The following GABRR2 variants were observed in gnomAD, a reference collection of about 807,000 sequenced individuals.
GABRR2 encodes gamma-aminobutyric acid type A receptor subunit rho2.
A neutral mutation model predicts 47.0 loss-of-function variants in GABRR2; 36 were observed. That is an observed-to-expected ratio of 0.77 (90% CI 0.59 to 1.01). GABRR2 has a LOEUF of 1.01. Among genes scored for constraint, GABRR2 ranks in the 50% least tolerant of loss-of-function variants. The pLI is 0.00. For missense variants in GABRR2, 587 were observed against 594.6 expected (o/e 0.99, Z 0.13); for synonymous variants, 204 against 227.5 (o/e 0.90, Z 0.93).
At chr6:89,306,565 T>C (rs1432446612) in intron 1 of GABRR2, among the ~76,000 whole-genome samples, 12 of 152,250 alleles carry the variant, frequency 7.9e-5, no homozygotes, top group Admixed American at 4.6e-4. Flanking sequence ...AGGACAGAGT[T>C]GCTCTGACCA....
chr6:89,267,340 A>G (rs187052185), intron 6 of GABRR2, among the ~76,000 whole-genome samples: 1 of 152,154 alleles, frequency 6.6e-6, no homozygotes, highest in East Asian at 1.9e-4. Context: ...CCGAGGTAGG[A>G]GGATTGCTTA....
intron 2 of GABRR2, among the ~76,000 whole-genome samples, chr6:89,290,513 T>C (rs1443161697): frequency 6.6e-6 from 1 of 152,200 alleles, no homozygotes; most frequent in East Asian, 1.9e-4. Context: ...TAGACAGTGA[T>C]TCTGGGGCCC....
At position 89,315,133 on chromosome 6, in the gene GABRR2, C is replaced by G; in HGVS notation, c.33G>C (p.Leu11Phe). ...TCTCCACGAGAACCATCAAGCAAAA[C>G]AAGAACAAAATGAGTCTTGTAAAAT... MPYFTRLILF[L>F]FCLMVLVESR... The change falls in exon 1 of 9, where the codon TTG becomes TTC. Residue 11 changes from leucine to phenylalanine, a missense_variant. By Grantham distance (22) the Leu-to-Phe change is conservative (BLOSUM62 0). Transcript: ENST00000402938. The G allele has an allele frequency of 6.2e-7, 1 of 1,613,868 alleles. No individual in the cohort carries two copies. The highest frequency in any genetic ancestry group is 8.5e-7 in the Non-Finnish European group (1 of 1,179,848).
At chr6:89,279,809 A>G (rs2127839262) in intron 2 of GABRR2, among the ~76,000 whole-genome samples, 1 of 152,302 alleles carries the variant, frequency 6.6e-6, no homozygotes, top group Admixed American at 6.5e-5. Flanking sequence ...TAAAATAGGT[A>G]TAATAATTGT....
intron 2 of GABRR2, among the ~76,000 whole-genome samples, chr6:89,278,801 G>A (rs1774210219): frequency 6.6e-6 from 1 of 152,224 alleles, no homozygotes; most frequent in Non-Finnish European, 1.5e-5. Flanking sequence ...GGGCGGGGAG[G>A]TTGGCATATC....
intron 2 of GABRR2, among the ~76,000 whole-genome samples, chr6:89,285,507 C>T (rs989338546): frequency 2.6e-5 from 4 of 152,080 alleles, no homozygotes; most frequent in African/African-American, 7.2e-5. Flanking sequence ...AGGCTGCACT[C>T]GATCTGTGGC....
intron 1 of GABRR2, chr6:89,302,957 TG>T: frequency 7.9e-7 from 1 of 1,262,310 alleles, no homozygotes. Context: ...CACTGGTACA[TG>T]GGCAAGGGCA....
At position 89,301,874 on chromosome 6, in the gene GABRR2, A is replaced by G. The variant is rs542045526; in HGVS notation, c.114-2009T>C. 6 of 1,145,858 alleles carry G rather than the reference A, an allele frequency of 5.2e-6. No homozygotes were observed. The African/African-American group carries it at 6.1e-5, about 12-fold the overall frequency. 71.0% of individuals were successfully genotyped at this position (1,145,858 alleles called of 1,614,324 possible). A position where few individuals can be genotyped will look rare whatever the true frequency, so the allele number is the denominator to read the frequency against. On this transcript the variant is annotated intron_variant, in intron 1 of 8. Transcript: ENST00000402938. ...GTCATCAGTGATGAGCATGGCATAG[A>G]CCCCAGCGGCAACTACGTGGGGAAC...
At position 89,291,654 on chromosome 6, in the gene GABRR2, A is replaced by G. The variant is rs142028568; in HGVS notation, c.220+8105T>C. Among the ~76,000 whole-genome samples the G allele has an allele frequency of 3.3e-3, 506 of 151,980 alleles. 3 individuals carry two copies. The highest frequency in any genetic ancestry group is 0.011 in the African/African-American group (472 of 41,436). On this transcript the variant is annotated intron_variant, in intron 2 of 8. Coordinates refer to ENST00000402938, the MANE Select transcript of GABRR2 (RefSeq NM_002043.5). ...CACTGCCTGGATGCAGGCTTCTGCA[A>G]TCTCCTCTCGGGGCAGAACTGAGCA...
rs1773878275 is a variant in GABRR2 at position 89,265,743 on chromosome 6, A to G, written c.759T>C (p.Ile253=). The G allele has an allele frequency of 6.2e-7, 1 of 1,614,154 alleles. No individual in the cohort carries two copies. Among genetic ancestry groups the G allele is most frequent in the Non-Finnish European group, 8.5e-7 (1 of 1,180,024 alleles). Residue 253 remains isoleucine (I), a synonymous_variant, in exon 7 of 9, where the codon ATT becomes ATC. Transcript: ENST00000402938. The stretch of plus-strand genomic sequence containing the variant: ...AGATGTGGCGACGCAACGTGAAGTT[A>G]ATGTACAGACGGTTGTACCAGCCTA... ...SSTGWYNRLY[I]NFTLRRHIFF...
At chr6:89,273,191 G>A (rs1034039578) in intron 2 of GABRR2, among the ~76,000 whole-genome samples, 1 of 152,168 alleles carries the variant, frequency 6.6e-6, no homozygotes, top group Non-Finnish European at 1.5e-5. Context: ...TCAGATGATA[G>A]CTAAGATCAG....
chr6:89,272,304 G>A (rs1465214292), intron 2 of GABRR2, among the ~76,000 whole-genome samples: 1 of 152,240 alleles, frequency 6.6e-6, no homozygotes, highest in Non-Finnish European at 1.5e-5. Context: ...GTCAGGCCAT[G>A]TCAGATTAGA....
At chr6:89,268,784 A>C (rs769001570) in intron 4 of GABRR2, among the ~76,000 whole-genome samples, 3 of 152,082 alleles carry the variant, frequency 2.0e-5, no homozygotes, top group Non-Finnish European at 2.9e-5. Flanking sequence ...TGTCTCATTC[A>C]GGCCAAAGTA....
In GABRR2 at chr6:89,269,209, C is replaced by G; in HGVS notation, c.314G>C (p.Arg105Pro). The G allele has an allele frequency of 6.2e-7, 1 of 1,613,974 alleles. No individual in the cohort carries two copies. Among genetic ancestry groups the G allele is most frequent in the Non-Finnish European group, 8.5e-7 (1 of 1,179,886 alleles). Residue 105 changes from arginine (R) to proline (P), a missense_variant, in exon 4 of 9, where the codon CGG becomes CCG. Coordinates refer to ENST00000402938, the MANE Select transcript of GABRR2 (RefSeq NM_002043.5). ...DMDFTMTLYL[R>P]HYWKDERLAF... ...TAGCCTCTCATCCTTCCAGTAATGCCGCAGGTACAGGGTCATAGTGAAGTC... is the reference window on the plus strand; with the variant it reads ...TAGCCTCTCATCCTTCCAGTAATGCGGCAGGTACAGGGTCATAGTGAAGTC...
chr6:89,286,632 C>A (rs370763342), intron 2 of GABRR2, among the ~76,000 whole-genome samples: 3 of 151,740 alleles, frequency 2.0e-5, no homozygotes, highest in African/African-American at 7.3e-5. Context: ...CACTGCCCAG[C>A]GGCCCAGTCC....
chr6:89,257,632 G>A lies in GABRR2; in HGVS notation c.*38C>T, dbSNP rs1178589401. ...TGTCAATGACTGGCCAGGCCCCCTC[G>A]ATGTCTATGCCCTCTTCTAGGAACA... On this transcript the variant is annotated 3_prime_UTR_variant, in exon 9 of 9. Coordinates refer to ENST00000402938, the MANE Select transcript of GABRR2 (RefSeq NM_002043.5). 6 of 1,533,922 alleles carry A rather than the reference G, an allele frequency of 3.9e-6. No individual in the cohort carries two copies. Among genetic ancestry groups the A allele is most frequent in the Non-Finnish European group, 5.3e-6 (6 of 1,126,106 alleles).
chr6:89,294,644 CTT>C (rs879601737), intron 2 of GABRR2, among the ~76,000 whole-genome samples: 1 of 144,640 alleles, frequency 6.9e-6, no homozygotes. Context: ...CCAGGCTCTA[CTT>C]TTTTTTTTTT....
intron 3 of GABRR2, among the ~76,000 whole-genome samples, chr6:89,270,670 G>A (rs282120): frequency 0.051 from 7,815 of 152,254 alleles, 683 homozygotes; most frequent in African/African-American, 0.18. Flanking sequence ...TGCTGGGTCC[G>A]TTAGGAGCAA....
Position 89,271,805 on chromosome 6 carries a change from G to A in GABRR2, c.221-83C>T. 10 of 1,190,906 alleles carry A rather than the reference G, an allele frequency of 8.4e-6. No homozygotes were observed. The South Asian group carries it at 1.3e-4, about 15-fold the overall frequency. 73.8% of individuals were successfully genotyped at this position (1,190,906 alleles called of 1,614,324 possible). ...AACAGCCCCAGTTGGCTTCCCCCGG[G>A]GAGCCAGGACTGGAGCAGAGTAGGG... On this transcript the variant is annotated intron_variant, in intron 2 of 8. Transcript: ENST00000402938.
Sources: gnomAD v4.1 joint callset for allele counts (sites outside exome capture counted in the v4.1 genomes callset) on GRCh38, gnomAD v4.1.1 for gene constraint, MANE v1.5 for transcripts, NCBI Gene and HGNC (gene_info 2026-07-23, HGNC 2026-07-21) for gene names.